The following FAM78A variants were observed in gnomAD, a reference collection of about 807,000 sequenced individuals.
The protein encoded by FAM78A is family with sequence similarity 78 member A, also known as protein FAM78A.
In FAM78A, 12 loss-of-function variants were observed where a neutral mutation model predicts 22.6. That is an observed-to-expected ratio of 0.53 (90% CI 0.34 to 0.86). The LOEUF (loss-of-function observed/expected upper bound fraction) is 0.86, where lower values mean the gene tolerates loss of function less well. Among genes scored for constraint, FAM78A ranks in the 40% least tolerant of loss-of-function variants. The pLI is 0.02. For synonymous variants in FAM78A, 151 were observed against 155.8 expected, an observed-to-expected ratio of 0.97 and a Z score of 0.23; for missense variants, 322 against 396.1, an observed-to-expected ratio of 0.81 and a Z score of 1.59.
In FAM78A at chr9:131,261,936, T is replaced by C. The variant is rs887855270; in HGVS notation, c.324-586A>G. Reference sequence around the variant, plus strand: ...CCCAGGAACAAGCTACTGTTAAAAATGCACTCCTGGCCGGGCGTGGTGGCT... The same window carrying C: ...CCCAGGAACAAGCTACTGTTAAAAACGCACTCCTGGCCGGGCGTGGTGGCT... On this transcript the variant is annotated intron_variant, in intron 1 of 1. Coordinates refer to ENST00000372271, the MANE Select transcript of FAM78A (RefSeq NM_033387.4). This position sits in a 1 kb window ranked among gnomAD's most constrained non-coding sequence, Gnocchi z 7.1. Among the ~76,000 whole-genome samples, 3 of 152,064 alleles carry C rather than the reference T, an allele frequency of 2.0e-5. No homozygotes were observed. The highest frequency in any genetic ancestry group is 4.4e-5 in the Non-Finnish European group (3 of 68,010).
Position 131,274,132 on chromosome 9 carries a change from A to AG in FAM78A, c.323+1724dup, listed in dbSNP as rs1835452186. On this transcript the variant is annotated intron_variant, in intron 1 of 1. Transcript: ENST00000372271. This position sits in a 1 kb window ranked among gnomAD's most constrained non-coding sequence, Gnocchi z 4.2. ...CAAGACATCGGAAGCCCATGTGCAC[A>AG]GATGGGGAAGCTGAGGCTTGGAGTC... Among the ~76,000 whole-genome samples the AG allele has an allele frequency of 6.6e-6, 1 of 152,268 alleles. No individual in the cohort carries two copies. Among genetic ancestry groups the AG allele is most frequent in the African/African-American group, 2.4e-5 (1 of 41,470 alleles).
In FAM78A at chr9:131,261,378, A is replaced by T; in HGVS notation, c.324-28T>A. The T allele has an allele frequency of 6.5e-7, 1 of 1,531,530 alleles. No homozygotes were observed. Among genetic ancestry groups the T allele is most frequent in the Non-Finnish European group, 8.7e-7 (1 of 1,147,406 alleles). The allele number at this position is 1,531,530 out of a possible 1,614,324, so 94.9% of individuals were successfully genotyped here. A position where few individuals can be genotyped will look rare whatever the true frequency, so the allele number is the denominator to read the frequency against. On this transcript the variant is annotated intron_variant, in intron 1 of 1. Coordinates refer to ENST00000372271, the MANE Select transcript of FAM78A (RefSeq NM_033387.4). The surrounding 1 kb of genome is among the most constrained non-coding windows in gnomAD (Gnocchi z 7.1). ...GAGGACAAGGAAGGCCAGTTCACTC[A>T]CTCGGTCACTCAAGGAGGGCTTTCT...
In FAM78A at chr9:131,276,156, G is replaced by C. The variant is rs1295169869; in HGVS notation, c.24C>G (p.Cys8Trp). The change falls in exon 1 of 2, where the codon TGC becomes TGG. Residue 8 changes from cysteine (C) to tryptophan (W), a missense_variant. Transcript: ENST00000372271. This position sits in a 1 kb window ranked among gnomAD's most constrained non-coding sequence, Gnocchi z 4.3. ...GCGCTCTGATCTCCAGGGAAGGCCAGCAGTCACAGAAAAAACCAGGCATTG... is the reference window on the plus strand; with the variant it reads ...GCGCTCTGATCTCCAGGGAAGGCCACCAGTCACAGAAAAAACCAGGCATTG... MPGFFCD[C>W]WPSLEIRALL... The C allele has an allele frequency of 6.2e-7, 1 of 1,612,380 alleles. No individual in the cohort carries two copies. Among genetic ancestry groups the C allele is most frequent in the African/African-American group, 1.3e-5 (1 of 74,888 alleles).
At position 131,261,329 on chromosome 9, in the gene FAM78A, G is replaced by T; in HGVS notation, c.345C>A (p.Asp115Glu). The change falls in exon 2 of 2, where the codon GAC (aspartate) becomes GAA (glutamate). Residue 115 changes from aspartate to glutamate, a missense_variant. Transcript: ENST00000372271. This position sits in a 1 kb window ranked among gnomAD's most constrained non-coding sequence, Gnocchi z 7.1. ...TGGCTTGGATCTTGCCCTCCTGGAG[G>T]TCGGGGAGCTCCCAGCTGGACCTGA... ...EQGMSSWELP[D>E]LQEGKIQAIS... 1 of 1,593,236 alleles carries T rather than the reference G, an allele frequency of 6.3e-7. No homozygotes were observed. Among genetic ancestry groups the T allele is most frequent in the Admixed American group, 1.7e-5 (1 of 58,780 alleles).
rs553503734 is a variant in FAM78A, at chr9:131,272,180, G to A, written c.323+3677C>T. Among the ~76,000 whole-genome samples the A allele has an allele frequency of 6.6e-6, 1 of 152,326 alleles. No individual in the cohort carries two copies. Among genetic ancestry groups the A allele is most frequent in the South Asian group, 2.1e-4 (1 of 4,830 alleles). ...TTTGGAATTAACATTTTGGATACAAGCCCATTTGTAAAGAATGAAAGCCCT... is the reference window on the plus strand; with the variant it reads ...TTTGGAATTAACATTTTGGATACAAACCCATTTGTAAAGAATGAAAGCCCT... On this transcript the variant is annotated intron_variant, in intron 1 of 1. Transcript: ENST00000372271. The surrounding 1 kb of genome is among the most constrained non-coding windows in gnomAD (Gnocchi z 4.1).
upstream of FAM78A, among the ~76,000 whole-genome samples, chr9:131,279,585 C>T (rs1015058203): frequency 1.7e-4 from 26 of 152,174 alleles, no homozygotes; most frequent in Admixed American, 1.1e-3. Flanking sequence ...ACGTCCCTCT[C>T]GTGGAAAGGA....
chr9:131,270,624 G>A (rs1392766947), intron 1 of FAM78A: 15 of 621,086 alleles, frequency 2.4e-5, no homozygotes, highest in East Asian at 2.1e-4. Context: ...CACCCACCCC[G>A]CCCTTGCCTC....
At chr9:131,270,514 T>G (rs924789846) in intron 1 of FAM78A, 6 of 715,054 alleles carry the variant, frequency 8.4e-6, no homozygotes, top group Non-Finnish European at 1.6e-5. Context: ...GCTGCAGCAA[T>G]CCCTTGGCCA....
In FAM78A at chr9:131,261,325, G is replaced by A; in HGVS notation, c.349C>T (p.Gln117Ter). 4 of 1,593,436 alleles carry A rather than the reference G, an allele frequency of 2.5e-6. No individual in the cohort carries two copies. Among genetic ancestry groups the A allele is most frequent in the Non-Finnish European group, 3.4e-6 (4 of 1,175,662 alleles). ...GMSSWELPDL[Q>*]EGKIQAISDS... Reference sequence around the variant, plus strand: ...CTGATGGCTTGGATCTTGCCCTCCTGGAGGTCGGGGAGCTCCCAGCTGGAC... The same window carrying A: ...CTGATGGCTTGGATCTTGCCCTCCTAGAGGTCGGGGAGCTCCCAGCTGGAC... The change falls in exon 2 of 2, where the codon CAG becomes TAG. Residue 117 changes from glutamine to a stop codon, truncating the protein, a stop_gained. Transcript: ENST00000372271. LOFTEE classifies it high-confidence loss of function. This position sits in a 1 kb window ranked among gnomAD's most constrained non-coding sequence, Gnocchi z 7.1.
intron 1 of FAM78A, chr9:131,264,471 C>A (rs1200936915): frequency 1.2e-5 from 8 of 658,238 alleles, no homozygotes; most frequent in Non-Finnish European, 2.8e-6. Flanking sequence ...GCTACTCGCA[C>A]TGTGGTCCAG....
Position 131,274,844 on chromosome 9 carries a change from C to A in FAM78A, c.323+1013G>T, listed in dbSNP as rs1487209821. Among the ~76,000 whole-genome samples, 1 of 151,554 alleles carries A rather than the reference C, an allele frequency of 6.6e-6. No individual in the cohort carries two copies. The highest frequency in any genetic ancestry group is 1.9e-4 in the East Asian group (1 of 5,172). ...GGAGTGTCAGCGGCCAGTCACGGGG[C>A]CACAGGGTAGACACTGAGAGAGGTT... On this transcript the variant is annotated intron_variant, in intron 1 of 1. Coordinates refer to ENST00000372271, the MANE Select transcript of FAM78A (RefSeq NM_033387.4). This position sits in a 1 kb window ranked among gnomAD's most constrained non-coding sequence, Gnocchi z 4.2.
chr9:131,264,832 T>TTCTG (rs2131163699), intron 1 of FAM78A: 1 of 521,494 alleles, frequency 1.9e-6, no homozygotes, highest in South Asian at 2.5e-5. Flanking sequence ...CAAGTGATTC[T>TTCTG]TCTGCCTCAG....
At chr9:131,273,457 AAG>A (rs993902024) in intron 1 of FAM78A, among the ~76,000 whole-genome samples, 1 of 152,246 alleles carries the variant, frequency 6.6e-6, no homozygotes, top group Non-Finnish European at 1.5e-5. Context: ...CCTGCAGCAA[AAG>A]AGGAGTCCCG....
chr9:131,272,934 AAAAT>A lies in FAM78A; in HGVS notation c.323+2919_323+2922del, dbSNP rs1252517188. 3.3e-5 allele frequency among the ~76,000 whole-genome samples: 5 copies of A among 152,294 alleles called. No individual in the cohort carries two copies. In the East Asian group the frequency reaches 5.8e-4, roughly 18 times the overall value. On this transcript the variant is annotated intron_variant, in intron 1 of 1. Transcript: ENST00000372271. The surrounding 1 kb of genome is among the most constrained non-coding windows in gnomAD (Gnocchi z 4.1). ...GCGACAAGAATAAGACTCTGTCTCA[AAAAT>A]AAATAAATAAAAATAAATAAAAATT...
chr9:131,280,142 C>A (rs545110387), upstream of FAM78A, among the ~76,000 whole-genome samples: 7 of 152,348 alleles, frequency 4.6e-5, no homozygotes, highest in East Asian at 1.2e-3. Flanking sequence ...GTCCATGGGC[C>A]TGTTTGCCGG....
chr9:131,262,268 G>A (rs369990277), intron 1 of FAM78A, among the ~76,000 whole-genome samples: 3 of 148,176 alleles, frequency 2.0e-5, no homozygotes, highest in Non-Finnish European at 4.4e-5. Flanking sequence ...CCGAGATCAC[G>A]CCATGCACTC....
At chr9:131,270,031 C>CT (rs1835396736) in intron 1 of FAM78A, among the ~76,000 whole-genome samples, 14 of 80,472 alleles carry the variant, frequency 1.7e-4, no homozygotes, top group African/African-American at 6.4e-4. Flanking sequence ...CCCATCCCTA[C>CT]TAAAATAAAA....
At chr9:131,262,744 C>T (rs192540135) in intron 1 of FAM78A, 1 of 152,248 alleles carries the variant, frequency 6.6e-6, no homozygotes, top group Admixed American at 6.5e-5. Flanking sequence ...CAGGCTACAA[C>T]ACAGATCAAC....
At position 131,260,594 on chromosome 9, in the gene FAM78A, T is replaced by C; in HGVS notation, c.*228A>G. ...GAGGCAAGGAGACCAGAGGTCACCC[T>C]GAGGGCGCACGTGGGGTCTGTCTGT... On this transcript the variant is annotated 3_prime_UTR_variant, in exon 2 of 2. Coordinates refer to ENST00000372271, the MANE Select transcript of FAM78A (RefSeq NM_033387.4). The surrounding 1 kb of genome is among the most constrained non-coding windows in gnomAD (Gnocchi z 5.4). 2.3e-6 allele frequency: 1 copy of C among 430,906 alleles called. No individual in the cohort carries two copies. The highest frequency in any genetic ancestry group is 4.1e-6 in the Non-Finnish European group (1 of 246,504). The allele number at this position is 430,906 out of a possible 1,614,324, so 26.7% of individuals were successfully genotyped here. A position where few individuals can be genotyped will look rare whatever the true frequency, so the allele number is the denominator to read the frequency against.
Sources: gnomAD v4.1 joint callset for allele counts (sites outside exome capture counted in the v4.1 genomes callset) on GRCh38, gnomAD v4.1.1 for gene constraint, Gnocchi (gnomAD v3.1) non-coding constraint, MANE v1.5 for transcripts, NCBI Gene and HGNC (gene_info 2026-07-23, HGNC 2026-07-21) for gene names.